The following LAMA2 variants were observed in gnomAD, a reference collection of about 807,000 sequenced individuals.
LAMA2 encodes laminin subunit alpha-2.
A neutral mutation model predicts 364.8 loss-of-function variants in LAMA2; 269 were observed. The ratio of observed to expected loss-of-function variants is 0.74; its 90% CI spans 0.67 to 0.82. LAMA2 has a LOEUF of 0.82. LAMA2 is among the 40% of genes least tolerant of loss of function. LAMA2 has a pLI of 0.00. For missense variants in LAMA2, 3,807 were observed against 3,873.2 expected (o/e 0.98, Z 0.45); for synonymous variants, 1,379 against 1,370.6 (o/e 1.01, Z -0.14).
intron 1 of LAMA2, among the ~76,000 whole-genome samples, chr6:128,898,660 C>A (rs1236605334): frequency 6.6e-6 from 1 of 152,200 alleles, no homozygotes. Context: ...AATCAATTTT[C>A]CATGCAATAG....
At chr6:129,168,590 A>T (rs1314932512) in intron 9 of LAMA2, among the ~76,000 whole-genome samples, 19 of 148,548 alleles carry the variant, frequency 1.3e-4, no homozygotes, top group African/African-American at 4.5e-4. Context: ...GTTTGAAGTC[A>T]GGTAGTGTGA....
intron 41 of LAMA2, among the ~76,000 whole-genome samples, chr6:129,433,862 T>G (rs1781715600): frequency 6.6e-6 from 1 of 152,156 alleles, no homozygotes; most frequent in African/African-American, 2.4e-5. Flanking sequence ...GTGTGTTACC[T>G]TTTACTTACT....
At chr6:129,192,926 C>A (rs1781617658) in intron 12 of LAMA2, 73 bp downstream of exon 12, 4 of 1,428,342 alleles carry the variant, frequency 2.8e-6, no homozygotes, top group East Asian at 2.4e-5. Flanking sequence ...GTTGGTAATT[C>A]TTTTAAAGAA....
chr6:129,014,773 A>G (rs978322140), intron 1 of LAMA2, among the ~76,000 whole-genome samples: 5 of 152,182 alleles, frequency 3.3e-5, no homozygotes, highest in Non-Finnish European at 5.9e-5. Flanking sequence ...CAATAATTAG[A>G]TATTTGAACA....
intron 17 of LAMA2, among the ~76,000 whole-genome samples, chr6:129,274,869 A>G (rs1259854069): frequency 6.6e-6 from 1 of 152,014 alleles, no homozygotes; most frequent in Admixed American, 6.6e-5. Flanking sequence ...TATGAAAGAG[A>G]CATGTGAATC....
intron 1 of LAMA2, among the ~76,000 whole-genome samples, chr6:128,984,886 G>T (rs1279857053): frequency 6.6e-6 from 1 of 152,054 alleles, no homozygotes; most frequent in African/African-American, 2.4e-5. Context: ...GTTGAATCTG[G>T]ATAGGAAATA....
chr6:129,502,903 G>A lies in LAMA2; in HGVS notation c.8357+132G>A, dbSNP rs558890970. The A allele has an allele frequency of 3.5e-6, 3 of 862,756 alleles. No homozygotes were observed. In the East Asian group the frequency reaches 7.8e-5, roughly 23 times the overall value. The allele number at this position is 862,756 out of a possible 1,614,324, so 53.4% of individuals were successfully genotyped here. A position where few individuals can be genotyped will look rare whatever the true frequency, so the allele number is the denominator to read the frequency against. ...TTTCTTTTATTCACTGAGTACAATA[G>A]AGAATAGAATTTTATTTGTCTGAGC... On this transcript the variant is annotated intron_variant, in intron 59 of 64. Coordinates refer to ENST00000421865, the MANE Select transcript of LAMA2 (RefSeq NM_000426.4).
At chr6:129,472,107 G>A (rs1228441893) in intron 51 of LAMA2, among the ~76,000 whole-genome samples, 1 of 151,914 alleles carries the variant, frequency 6.6e-6, no homozygotes, top group Non-Finnish European at 1.5e-5. Flanking sequence ...TTAGCATGCT[G>A]AAAGATCTGG....
At chr6:129,311,093 C>T (rs139526588) in intron 22 of LAMA2, among the ~76,000 whole-genome samples, 1 of 151,976 alleles carries the variant, frequency 6.6e-6, no homozygotes, top group East Asian at 1.9e-4. Context: ...ACTGGGCTCC[C>T]GTGCTAAATA....
chr6:129,344,740 G>A (rs1172320015), intron 30 of LAMA2, among the ~76,000 whole-genome samples: 3 of 152,160 alleles, frequency 2.0e-5, no homozygotes, highest in Non-Finnish European at 4.4e-5. Context: ...GGGAACCCAG[G>A]CGGCACTGCC....
At chr6:129,104,203 G>T (rs1056655294) in intron 4 of LAMA2, among the ~76,000 whole-genome samples, 22 of 151,898 alleles carry the variant, frequency 1.4e-4, no homozygotes, top group Admixed American at 1.0e-3. Context: ...TTGCTATGTT[G>T]CCCAGGCCGT....
At chr6:129,441,390 A>G (rs1179431269) in intron 43 of LAMA2, among the ~76,000 whole-genome samples, 1 of 152,220 alleles carries the variant, frequency 6.6e-6, no homozygotes, top group African/African-American at 2.4e-5. Flanking sequence ...GTTCATGAAC[A>G]GACTTGTTAG....
At chr6:129,094,373 CT>C in intron 3 of LAMA2, among the ~76,000 whole-genome samples, 1 of 152,276 alleles carries the variant, frequency 6.6e-6, no homozygotes, top group East Asian at 1.9e-4. Flanking sequence ...CTCATTCAGT[CT>C]TCTGTAAGGC....
At chr6:129,032,927 G>A (rs1786341212) in intron 1 of LAMA2, among the ~76,000 whole-genome samples, 2 of 152,168 alleles carry the variant, frequency 1.3e-5, no homozygotes, top group African/African-American at 4.8e-5. Context: ...AAATCTGGGT[G>A]TCCCTTCGGG....
intron 1 of LAMA2, among the ~76,000 whole-genome samples, chr6:128,948,057 G>A (rs889585789): frequency 2.6e-5 from 4 of 152,048 alleles, no homozygotes; most frequent in Non-Finnish European, 4.4e-5. Flanking sequence ...AGGGTGGGGA[G>A]TTAAAAGAGC....
chr6:128,927,943 A>C (rs955832429), intron 1 of LAMA2, among the ~76,000 whole-genome samples: 2 of 152,192 alleles, frequency 1.3e-5, no homozygotes, highest in Non-Finnish European at 2.9e-5. Context: ...GGTCTTTCAG[A>C]ATTTGTTCTT....
At chr6:129,460,087 A>G (rs1288777101) in intron 48 of LAMA2, 113 bp from the exon 49 acceptor site, 1 of 1,024,050 alleles carries the variant, frequency 9.8e-7, no homozygotes, top group Non-Finnish European at 1.5e-6. Context: ...CCAAAATATC[A>G]GAAAGAATGG....
intron 37 of LAMA2, among the ~76,000 whole-genome samples, chr6:129,393,867 G>A (rs941904298): frequency 1.3e-5 from 2 of 152,104 alleles, no homozygotes; most frequent in Admixed American, 6.6e-5. Flanking sequence ...TCTATGCGCT[G>A]TGTTCTATGC....
chr6:129,212,591 A>C (rs886105325), intron 12 of LAMA2, among the ~76,000 whole-genome samples: 1 of 152,106 alleles, frequency 6.6e-6, no homozygotes, highest in Non-Finnish European at 1.5e-5. Flanking sequence ...TCCACTGCAG[A>C]TCTCTTACCA....
Sources: allele counts gnomAD v4.1 joint callset (sites outside exome capture counted in the v4.1 genomes callset), GRCh38; gene constraint gnomAD v4.1.1; transcripts MANE v1.5; gene names NCBI Gene and HGNC (gene_info 2026-07-23, HGNC 2026-07-21).